The following TFDP2 variants were observed in gnomAD, a reference collection of about 807,000 sequenced individuals.
TFDP2 encodes the protein transcription factor Dp-2, also known as transcription factor Dp-2 (E2F dimerization partner 2).
Under a neutral mutation model 59.3 loss-of-function variants are expected in TFDP2, and 17 were observed. The ratio of observed to expected loss-of-function variants is 0.29; its 90% CI spans 0.20 to 0.43. The LOEUF (loss-of-function observed/expected upper bound fraction) is 0.43. TFDP2 is among the 20% of genes least tolerant of loss of function. TFDP2 has a pLI of 1.00. For missense variants in TFDP2, 391 were observed against 528.8 expected, an observed-to-expected ratio of 0.74 and a Z score of 2.56; for synonymous variants, 180 against 194.7, an observed-to-expected ratio of 0.92 and a Z score of 0.63.
chr3:142,070,272 G>A (rs73232670), intron 3 of TFDP2, among the ~76,000 whole-genome samples: 13,085 of 152,008 alleles, frequency 0.086, 707 homozygotes, highest in Middle Eastern at 0.14. Flanking sequence ...AGTGAAATAC[G>A]ATACATCAGT....
At chr3:142,055,802 A>T (rs1203082390) in intron 3 of TFDP2, among the ~76,000 whole-genome samples, 2 of 152,170 alleles carry the variant, frequency 1.3e-5, no homozygotes, top group African/African-American at 4.8e-5. Context: ...TGAATCTTGG[A>T]ATTACTAGCC....
intron 3 of TFDP2, among the ~76,000 whole-genome samples, chr3:142,078,155 A>G (rs1012971759): frequency 4.6e-5 from 7 of 152,186 alleles, no homozygotes; most frequent in Non-Finnish European, 1.0e-4. Flanking sequence ...CAGCTCAACC[A>G]TAGCAGAATA....
intron 9 of TFDP2, among the ~76,000 whole-genome samples, chr3:141,968,856 A>AC (rs1938917333): frequency 1.6e-5 from 1 of 63,384 alleles, no homozygotes; most frequent in Admixed American, 1.9e-4. Context: ...AGATATATAT[A>AC]ACATATATAT....
chr3:142,132,572 C>A (rs2062557274), intron 1 of TFDP2, among the ~76,000 whole-genome samples: 2 of 148,886 alleles, frequency 1.3e-5, no homozygotes, highest in African/African-American at 5.1e-5. Flanking sequence ...AATGAAACCC[C>A]GTCTCTAGAA....
At position 142,121,123 on chromosome 3, in the gene TFDP2, T is replaced by C. The variant is rs892936439; in HGVS notation, c.-92-19282A>G. ...AGGTATGGATATTCACCAGGGAGATTTGTGAAAGACTCACATTGAATGAAT... is the reference window on the plus strand; with the variant it reads ...AGGTATGGATATTCACCAGGGAGATCTGTGAAAGACTCACATTGAATGAAT... On this transcript the variant is annotated intron_variant, in intron 1 of 12. Transcript: ENST00000489671. The surrounding 1 kb of genome is among the most constrained non-coding windows in gnomAD (Gnocchi z 4.3). 6.6e-6 allele frequency among the ~76,000 whole-genome samples: 1 copy of C among 152,096 alleles called. No homozygotes were observed. Among genetic ancestry groups the C allele is most frequent in the East Asian group, 1.9e-4 (1 of 5,178 alleles).
chr3:142,061,718 C>G (rs1258344917), intron 3 of TFDP2, among the ~76,000 whole-genome samples: 1 of 152,026 alleles, frequency 6.6e-6, no homozygotes, highest in Non-Finnish European at 1.5e-5. Context: ...CAGACTTGAG[C>G]TGGGACTTGT....
intron 3 of TFDP2, among the ~76,000 whole-genome samples, chr3:142,078,093 T>C (rs1191948454): frequency 1.3e-5 from 2 of 152,038 alleles, no homozygotes; most frequent in South Asian, 2.1e-4. Context: ...CTCCTCTGCC[T>C]GTGGAAAGGG....
intron 3 of TFDP2, among the ~76,000 whole-genome samples, chr3:142,031,592 T>TTA (rs1946435664): frequency 6.6e-6 from 1 of 152,136 alleles, no homozygotes; most frequent in Admixed American, 6.5e-5. Context: ...AAAATGCAGA[T>TTA]TATATAGGTT....
intron 3 of TFDP2, among the ~76,000 whole-genome samples, chr3:142,029,337 G>A (rs1946309328): frequency 6.6e-6 from 1 of 150,802 alleles, no homozygotes; most frequent in Non-Finnish European, 1.5e-5. Context: ...GAGCAGCTTA[G>A]TTGTGCTTTT....
chr3:142,002,317 G>GTTTTTTTTT (rs750047190), intron 4 of TFDP2, among the ~76,000 whole-genome samples: 2 of 106,856 alleles, frequency 1.9e-5, no homozygotes, highest in African/African-American at 3.7e-5. Flanking sequence ...TATTTTTAGT[G>GTTTTTTTTT]TTTTTTTTTT....
intron 3 of TFDP2, among the ~76,000 whole-genome samples, chr3:142,013,403 A>C (rs542273232): frequency 1.3e-5 from 2 of 152,344 alleles, no homozygotes; most frequent in East Asian, 3.9e-4. Context: ...ACCTTTAAAT[A>C]GATTATAAAG....
At chr3:142,096,134 T>C (rs1179655878) in intron 2 of TFDP2, among the ~76,000 whole-genome samples, 1 of 152,188 alleles carries the variant, frequency 6.6e-6, no homozygotes, top group Non-Finnish European at 1.5e-5. Context: ...ACCAACAAAT[T>C]GTACTCCAAA....
Position 141,947,991 on chromosome 3 carries a change from C to T in TFDP2, c.*4522G>A, listed in dbSNP as rs1935436358. ...ACGTGTTCCATCTGTGATCAAGTTT[C>T]CCCAATAGGAGGAGAACCCAACATC... On this transcript the variant is annotated 3_prime_UTR_variant, in exon 13 of 13. Transcript: ENST00000489671. 6.6e-6 allele frequency: 1 copy of T among 152,264 alleles called. No homozygotes were observed. The highest frequency in any genetic ancestry group is 2.1e-4 in the South Asian group (1 of 4,828). The allele number at this position is 152,264 out of a possible 1,614,324, so 9.4% of individuals were successfully genotyped here.
At chr3:141,988,933 A>C (rs1942447877) in intron 6 of TFDP2, 1 of 152,186 alleles carries the variant, frequency 6.6e-6, no homozygotes, top group Non-Finnish European at 1.5e-5. Flanking sequence ...TACAGGCCTG[A>C]GCCAACACGC....
chr3:142,141,377 C>T (rs2108752125), intron 1 of TFDP2, among the ~76,000 whole-genome samples: 1 of 152,344 alleles, frequency 6.6e-6, no homozygotes, highest in East Asian at 1.9e-4. Flanking sequence ...GGGCTGCACC[C>T]ACGGTCCAAC....
chr3:142,141,123 G>C (rs996335002), intron 1 of TFDP2, among the ~76,000 whole-genome samples: 2 of 152,190 alleles, frequency 1.3e-5, no homozygotes, highest in Non-Finnish European at 2.9e-5. Context: ...GTCCATCTCA[G>C]ACTACTTCGC....
intron 3 of TFDP2, among the ~76,000 whole-genome samples, chr3:142,049,949 A>G (rs1393224466): frequency 6.6e-6 from 1 of 152,204 alleles, no homozygotes; most frequent in East Asian, 1.9e-4. Flanking sequence ...AGACAAATTA[A>G]TGGAGAGAAA....
chr3:142,005,501 T>C lies in TFDP2; in HGVS notation c.126A>G (p.Ser42=), dbSNP rs759152179. 51 of 1,609,594 alleles carry C rather than the reference T, an allele frequency of 3.2e-5. No homozygotes were observed. Among genetic ancestry groups the C allele is most frequent in the Non-Finnish European group, 4.3e-5 (51 of 1,177,238 alleles). ...AGGTTTTTGGTAAAATCTTTGTAGG[T>C]GAGTTGGTATTGGAAACTGGAAATG... ...FVAFPVSNTN[S]PTKILPKTLG... The change falls in exon 4 of 13, where the codon TCA becomes TCG. Residue 42 remains serine (S), a synonymous_variant. Transcript: ENST00000489671.
chr3:141,967,107 G>A (rs1012412033), intron 9 of TFDP2, among the ~76,000 whole-genome samples: 4 of 151,278 alleles, frequency 2.6e-5, no homozygotes, highest in Non-Finnish European at 4.4e-5. Flanking sequence ...AGTAGAGACG[G>A]GGTTTCACCA....
Sources: allele counts gnomAD v4.1 joint callset (sites outside exome capture counted in the v4.1 genomes callset), GRCh38; gene constraint gnomAD v4.1.1; non-coding constraint Gnocchi (gnomAD v3.1); transcripts MANE v1.5; gene names NCBI Gene and HGNC (gene_info 2026-07-23, HGNC 2026-07-21).